KHDC4: variants seen among roughly 807,000 people sequenced by gnomAD.
The protein encoded by KHDC4 is KH domain containing 4, pre-mRNA splicing factor, also known as KH homology domain-containing protein 4.
KHDC4 carries 19 observed loss-of-function variants against 74.5 expected under a neutral mutation model. That is an observed-to-expected ratio of 0.26 (90% CI 0.18 to 0.37). KHDC4 has a LOEUF of 0.37. Among genes scored for constraint, KHDC4 ranks in the 10% least tolerant of loss-of-function variants. The pLI is 1.00. For missense variants in KHDC4, 632 were observed against 754.1 expected (o/e 0.84, Z 1.90); for synonymous variants, 253 against 266.1 (o/e 0.95, Z 0.48).
At chr1:155,924,513 T>C (rs909881650) in intron 7 of KHDC4, among the ~76,000 whole-genome samples, 4 of 151,574 alleles carry the variant, frequency 2.6e-5, no homozygotes, top group African/African-American at 9.7e-5. Context: ...TACAGACTTG[T>C]ACAAAACCAA....
intron 7 of KHDC4, 59 bp downstream of exon 7, chr1:155,925,562 TCTGAATCACTC>T: frequency 8.0e-7 from 1 of 1,246,710 alleles, no homozygotes; most frequent in Non-Finnish European, 1.2e-6. Context: ...TCTTGCTCCT[TCTGAATCACTC>T]CTGACTGTAC....
chr1:155,933,606 T>C, intron 2 of KHDC4, 27 bp downstream of exon 2: 1 of 1,553,576 alleles, frequency 6.4e-7, no homozygotes, highest in South Asian at 1.1e-5. Context: ...AATTCGCAAT[T>C]AGTGGAGACC....
rs1673664869 is a variant in KHDC4 at position 155,913,101 on chromosome 1, G to A, written c.*1020C>T. ...ATGGTCTAAATATTTACAACATATAGGAAACCAGAGGATAAGTTTATACAA... is the reference window on the plus strand; with the variant it reads ...ATGGTCTAAATATTTACAACATATAAGAAACCAGAGGATAAGTTTATACAA... On this transcript the variant is annotated 3_prime_UTR_variant, in exon 14 of 14. Coordinates refer to ENST00000368321, the MANE Select transcript of KHDC4 (RefSeq NM_014949.4). 1 of 152,606 alleles carries A rather than the reference G, an allele frequency of 6.6e-6. No homozygotes were observed. The highest frequency in any genetic ancestry group is 2.1e-4 in the South Asian group (1 of 4,828). The allele number at this position is 152,606 out of a possible 1,614,324, so 9.5% of individuals were successfully genotyped here.
chr1:155,933,194 G>A (rs891587051), intron 2 of KHDC4, among the ~76,000 whole-genome samples: 1 of 151,924 alleles, frequency 6.6e-6, no homozygotes, highest in Non-Finnish European at 1.5e-5. Context: ...AACAAAATGT[G>A]TTCTGGAACA....
chr1:155,933,872 AT>A (rs1438173236), intron 1 of KHDC4, 23 bp from the exon 2 acceptor site: 3 of 1,489,368 alleles, frequency 2.0e-6, no homozygotes, highest in Non-Finnish European at 2.7e-6. Context: ...AAAGGAAAAC[AT>A]TAGGCCCCAA....
rs1201249943 is a variant in KHDC4 at position 155,927,831 on chromosome 1, ACCACACACACACACAC to A, written c.465-691_465-676del. ...AAAAAAAAAAAAAAAAAAAAAAAAA[ACCACACACACACACAC>A]ACACACACACACACACACACACACA... On this transcript the variant is annotated intron_variant, in intron 4 of 13. Transcript: ENST00000368321. Among the ~76,000 whole-genome samples the A allele has an allele frequency of 9.8e-4, 28 of 28,514 alleles. 1 individual carries two copies. The highest frequency in any genetic ancestry group is 2.6e-3 in the African/African-American group (26 of 10,008). 18.7% of individuals were successfully genotyped at this position (28,514 alleles called of 152,430 possible). A position where few individuals can be genotyped will look rare whatever the true frequency, so the allele number is the denominator to read the frequency against.
rs1487306654 is a variant in KHDC4 at position 155,934,220 on chromosome 1, C to A, written c.38+116G>T. On this transcript the variant is annotated intron_variant, in intron 1 of 13. Transcript: ENST00000368321. ...GCTCAAGATCCTTCTCCCCAAACGT[C>A]CAGCCCTTTACTTCCCACTTAAGGA... is the stretch of plus-strand genomic sequence containing the variant. The A allele has an allele frequency of 5.3e-6, 6 of 1,125,554 alleles. No homozygotes were observed. The Admixed American group carries it at 1.3e-4, about 25-fold the overall frequency. The allele number at this position is 1,125,554 out of a possible 1,614,324, so 69.7% of individuals were successfully genotyped here.
intron 10 of KHDC4, 95 bp downstream of exon 10, chr1:155,921,280 A>T (rs1673857018): frequency 1.4e-6 from 2 of 1,421,026 alleles, no homozygotes; most frequent in East Asian, 2.3e-5. Context: ...GACATTCCAC[A>T]TCACATGATT....
At position 155,921,567 on chromosome 1, in the gene KHDC4, A is replaced by T; in HGVS notation, c.1074T>A (p.Asn358Lys). The T allele has an allele frequency of 2.4e-5, 39 of 1,614,112 alleles. No homozygotes were observed. Among genetic ancestry groups the T allele is most frequent in the Non-Finnish European group, 3.3e-5 (39 of 1,179,984 alleles). The change falls in exon 10 of 14, where the codon AAT (asparagine) becomes AAA (lysine). Residue 358 changes from asparagine (N) to lysine (K), a missense_variant. Coordinates refer to ENST00000368321, the MANE Select transcript of KHDC4 (RefSeq NM_014949.4). The part of the protein sequence containing the change: ...VPPQPPYYPS[N>K]GYQSGYPVVP... The stretch of plus-strand genomic sequence containing the variant: ...CAACAGGGTAACCAGACTGATAGCC[A>T]TTGGATGGATAATATGGTGGTTGAG...
Position 155,924,456 on chromosome 1 carries a change from G to A in KHDC4, c.894-769C>T, listed in dbSNP as rs184420609. Among the ~76,000 whole-genome samples the A allele has an allele frequency of 3.3e-5, 5 of 151,926 alleles. No homozygotes were observed. In the East Asian group the frequency reaches 7.8e-4, roughly 24 times the overall value. On this transcript the variant is annotated intron_variant, in intron 7 of 13. Transcript: ENST00000368321. ...CTCAATCTCCTGACCTGATTCATCC[G>A]CCTCGGCCCTGAAAGTGCTGGGATT...
At chr1:155,933,354 A>T (rs1486815624) in intron 2 of KHDC4, among the ~76,000 whole-genome samples, 2 of 151,462 alleles carry the variant, frequency 1.3e-5, no homozygotes, top group South Asian at 4.2e-4. Flanking sequence ...GCACTGGCAC[A>T]ATCTCGGCTC....
At chr1:155,922,851 G>A (rs1219325145) in intron 8 of KHDC4, among the ~76,000 whole-genome samples, 2 of 152,100 alleles carry the variant, frequency 1.3e-5, no homozygotes, top group African/African-American at 2.4e-5. Context: ...ACCCAATAAG[G>A]CACCAGAGAA....
intron 11 of KHDC4, chr1:155,917,037 G>A (rs1265797517): frequency 7.8e-6 from 2 of 256,328 alleles, no homozygotes; most frequent in Non-Finnish European, 1.5e-5. Flanking sequence ...AAAATGCTTT[G>A]GTTTAAAGAA....
At chr1:155,927,832 C>CACACACACACACA (rs1189399959) in intron 4 of KHDC4, among the ~76,000 whole-genome samples, 1 of 90,930 alleles carries the variant, frequency 1.1e-5, no homozygotes, top group African/African-American at 5.2e-5. Flanking sequence ...AAAAAAAAAA[C>CACACACACACACA]CACACACACA....
intron 10 of KHDC4, chr1:155,920,053 A>T (rs758073164): frequency 5.9e-6 from 3 of 506,006 alleles, no homozygotes; most frequent in South Asian, 4.3e-5. Flanking sequence ...TGCTCTCATT[A>T]AGTCTCTCCC....
At chr1:155,921,942 T>G (rs1221624789) in intron 8 of KHDC4, 24 bp from the exon 9 acceptor site, 1 of 1,523,888 alleles carries the variant, frequency 6.6e-7, no homozygotes, top group Admixed American at 1.7e-5. Context: ...GGAAACAAAT[T>G]AACATGGGAC....
Position 155,922,652 on chromosome 1 carries a change from C to G in KHDC4, c.955-734G>C, listed in dbSNP as rs1673891819. 1.3e-5 allele frequency among the ~76,000 whole-genome samples: 2 copies of G among 152,078 alleles called. 1 individual carries two copies. The highest frequency in any genetic ancestry group is 2.9e-5 in the Non-Finnish European group (2 of 68,026). ...ATTCACATTTACTGGGTGACTTTTCCTCAAGGAGCTCACATTTAGTAAGGG... is the reference window on the plus strand; with the variant it reads ...ATTCACATTTACTGGGTGACTTTTCGTCAAGGAGCTCACATTTAGTAAGGG... On this transcript the variant is annotated intron_variant, in intron 8 of 13. Coordinates refer to ENST00000368321, the MANE Select transcript of KHDC4 (RefSeq NM_014949.4).
intron 10 of KHDC4, 78 bp from the exon 11 acceptor site, chr1:155,917,750 T>C: frequency 6.0e-6 from 7 of 1,175,914 alleles, no homozygotes; most frequent in Non-Finnish European, 8.2e-6. Context: ...TACAATATAC[T>C]TTAAGGATCA....
chr1:155,923,726 T>C (rs757696953), intron 7 of KHDC4, 39 bp from the exon 8 acceptor site: 2 of 1,462,066 alleles, frequency 1.4e-6, no homozygotes, highest in Non-Finnish European at 1.9e-6. Flanking sequence ...GAGAGAAAAA[T>C]AAATAAAAGA....
Sources: gnomAD v4.1 joint callset for allele counts (sites outside exome capture counted in the v4.1 genomes callset) on GRCh38, gnomAD v4.1.1 for gene constraint, MANE v1.5 for transcripts, NCBI Gene and HGNC (gene_info 2026-07-23, HGNC 2026-07-21) for gene names.